ATRN: variants seen among roughly 807,000 people sequenced by gnomAD.
The protein encoded by ATRN is attractin.
In ATRN, 54 loss-of-function variants were observed where a neutral mutation model predicts 178.7. The ratio of observed to expected loss-of-function variants is 0.30; its 90% CI spans 0.24 to 0.38. The LOEUF is 0.38. ATRN is among the 10% of genes least tolerant of loss of function. ATRN has a pLI of 1.00. For synonymous variants in ATRN, 636 were observed against 663.0 expected (o/e 0.96, Z 0.63); for missense variants, 1,443 against 1,815.1 (o/e 0.79, Z 3.73).
chr20:3,566,530 G>A (rs1003805533), intron 11 of ATRN, among the ~76,000 whole-genome samples: 5 of 152,156 alleles, frequency 3.3e-5, no homozygotes, highest in African/African-American at 7.2e-5. Context: ...TATAATGCCT[G>A]CATCATGTTA....
In ATRN at chr20:3,645,730, G is replaced by A. The variant is rs2087102547; in HGVS notation, c.4166-993G>A. 6.6e-6 allele frequency among the ~76,000 whole-genome samples: 1 copy of A among 152,064 alleles called. No homozygotes were observed. The highest frequency in any genetic ancestry group is 2.4e-5 in the African/African-American group (1 of 41,394). On this transcript the variant is annotated intron_variant, in intron 28 of 28. Coordinates refer to ENST00000262919, the MANE Select transcript of ATRN (RefSeq NM_139321.3). This position sits in a 1 kb window ranked among gnomAD's most constrained non-coding sequence, Gnocchi z 4.7. ...GCTCCCAGAGCATTCCCCACTGTGTGCCAGGCACTTACAGCTGTCTACCCC... is the reference window on the plus strand; with the variant it reads ...GCTCCCAGAGCATTCCCCACTGTGTACCAGGCACTTACAGCTGTCTACCCC...
Position 3,543,677 on chromosome 20 carries a change from A to G in ATRN, c.609-2085A>G, listed in dbSNP as rs138692286. ...GAGGTGGAGGTTGCGGTGAGCCGAG[A>G]TTGTGCCACTGCACTCCAGCCTAGG... On this transcript the variant is annotated intron_variant, in intron 3 of 28. Transcript: ENST00000262919. Among the ~76,000 whole-genome samples, 359 of 151,236 alleles carry G rather than the reference A, an allele frequency of 2.4e-3. 8 individuals carry two copies. Among genetic ancestry groups the G allele is most frequent in the African/African-American group, 8.3e-3 (342 of 41,170 alleles).
chr20:3,621,449 G>A (rs2086896690), intron 24 of ATRN, among the ~76,000 whole-genome samples: 1 of 152,154 alleles, frequency 6.6e-6, no homozygotes, highest in African/African-American at 2.4e-5. Context: ...AACACATCCA[G>A]AAGGCCCATG....
At chr20:3,563,179 G>A (rs778366119) in intron 9 of ATRN, 30 bp from the exon 10 acceptor site, 1 of 1,581,250 alleles carries the variant, frequency 6.3e-7, no homozygotes, top group South Asian at 1.1e-5. Flanking sequence ...AACTAACCTT[G>A]TATTTATTAT....
chr20:3,496,114 A>T (rs534216397), intron 1 of ATRN, among the ~76,000 whole-genome samples: 30 of 152,230 alleles, frequency 2.0e-4, no homozygotes, highest in Middle Eastern at 6.8e-3. Context: ...TCCTGGATTC[A>T]TTAATTTTTT....
At chr20:3,544,286 G>A (rs2085666639) in intron 3 of ATRN, among the ~76,000 whole-genome samples, 1 of 152,186 alleles carries the variant, frequency 6.6e-6, no homozygotes, top group South Asian at 2.1e-4. Flanking sequence ...CATGCAGTCA[G>A]ATTTCTGGGC....
chr20:3,545,653 G>A, intron 3 of ATRN, 109 bp from the exon 4 acceptor site: 2 of 1,404,696 alleles, frequency 1.4e-6, no homozygotes, highest in Non-Finnish European at 1.9e-6. Flanking sequence ...TGTCTTCCTG[G>A]ATGTGGTTTT....
chr20:3,490,096 C>T lies in ATRN; in HGVS notation c.410+18579C>T. The T allele has an allele frequency of 2.2e-6, 3 of 1,383,458 alleles. No homozygotes were observed. The East Asian group carries it at 6.9e-5, about 32-fold the overall frequency. 85.7% of individuals were successfully genotyped at this position (1,383,458 alleles called of 1,614,324 possible). ...GTTCTCTCAATGTCTCGCTTGGTGC[C>T]CTTTGATTTGGGATTTTTGGCAAAC... On this transcript the variant is annotated intron_variant, in intron 1 of 28. Transcript: ENST00000262919.
intron 1 of ATRN, among the ~76,000 whole-genome samples, chr20:3,500,692 G>A (rs1275486635): frequency 8.1e-6 from 1 of 123,938 alleles, no homozygotes; most frequent in Non-Finnish European, 1.7e-5. Context: ...GTTGTGGGGT[G>A]GGGGGAGGGG....
At chr20:3,603,980 C>T (rs757931517) in intron 23 of ATRN, 125 bp from the exon 24 acceptor site, 8 of 740,770 alleles carry the variant, frequency 1.1e-5, no homozygotes, top group Non-Finnish European at 1.7e-5. Flanking sequence ...CTCTTAAAGG[C>T]TATTACTGGA....
At chr20:3,634,812 C>A (rs535501106) in intron 26 of ATRN, among the ~76,000 whole-genome samples, 1 of 152,242 alleles carries the variant, frequency 6.6e-6, no homozygotes, top group Non-Finnish European at 1.5e-5. Flanking sequence ...TTTCATTATT[C>A]AAGGAAAGAT....
chr20:3,592,013 CATTGCCTGTGGTCAGGCCTG>C (rs1333240914), intron 19 of ATRN, among the ~76,000 whole-genome samples: 2 of 152,228 alleles, frequency 1.3e-5, no homozygotes, highest in African/African-American at 2.4e-5. Flanking sequence ...AAGCCTGTGG[CATTGCCTGTGGTCAGGCCTG>C]AAAAATCACA....
chr20:3,534,594 A>G (rs1265073996), intron 1 of ATRN, among the ~76,000 whole-genome samples: 4 of 152,208 alleles, frequency 2.6e-5, no homozygotes, highest in African/African-American at 9.7e-5. Context: ...GCTGATGTTA[A>G]TGAAAGAGGG....
chr20:3,503,237 AGGGT>A (rs2084988256), intron 1 of ATRN, among the ~76,000 whole-genome samples: 1 of 152,226 alleles, frequency 6.6e-6, no homozygotes, highest in African/African-American at 2.4e-5. Context: ...AAAACTAAAC[AGGGT>A]GGCTAACTGT....
intron 1 of ATRN, among the ~76,000 whole-genome samples, chr20:3,514,032 T>C (rs1008257977): frequency 6.6e-6 from 1 of 152,202 alleles, no homozygotes; most frequent in Non-Finnish European, 1.5e-5. Flanking sequence ...AATCATGTCA[T>C]CTGACAAGCC....
chr20:3,541,417 G>A (rs2085620761), intron 3 of ATRN, among the ~76,000 whole-genome samples: 1 of 149,676 alleles, frequency 6.7e-6, no homozygotes, highest in Admixed American at 6.7e-5. Context: ...CTTAGCAGCA[G>A]GAATAGGTTT....
intron 1 of ATRN, chr20:3,490,427 C>T: frequency 1.1e-6 from 1 of 916,790 alleles, no homozygotes; most frequent in Non-Finnish European, 1.8e-6. Context: ...TTTACTCTAT[C>T]TGTGTAATCC....
At chr20:3,557,284 A>G (rs1317600008) in intron 6 of ATRN, among the ~76,000 whole-genome samples, 2 of 152,236 alleles carry the variant, frequency 1.3e-5, no homozygotes, top group Admixed American at 1.3e-4. Context: ...ATGATTCAGA[A>G]TTCTTCAGGC....
intron 1 of ATRN, among the ~76,000 whole-genome samples, chr20:3,522,582 T>G (rs1224721060): frequency 2.0e-5 from 3 of 152,126 alleles, no homozygotes; most frequent in African/African-American, 7.2e-5. Context: ...ACAGACTGCC[T>G]CCTCAAGTGG....
Sources: gnomAD v4.1 joint callset for allele counts (sites outside exome capture counted in the v4.1 genomes callset) on GRCh38, gnomAD v4.1.1 for gene constraint, Gnocchi (gnomAD v3.1) non-coding constraint, MANE v1.5 for transcripts, NCBI Gene and HGNC (gene_info 2026-07-23, HGNC 2026-07-21) for gene names.